Variants in ABCG1 observed in about 807,000 individuals in gnomAD.
ABCG1 encodes the protein ATP binding cassette subfamily G member 1.
Under a neutral mutation model 69.2 loss-of-function variants are expected in ABCG1, and 29 were observed. The observed-to-expected ratio is 0.42, with a 90% confidence interval of 0.31 to 0.57. The LOEUF (loss-of-function observed/expected upper bound fraction) is 0.57, where lower values mean the gene tolerates loss of function less well. Among genes scored for constraint, ABCG1 ranks in the 20% least tolerant of loss-of-function variants. ABCG1 has a pLI of 0.15. For missense variants in ABCG1, 718 were observed against 898.1 expected (o/e 0.80, Z 2.56); for synonymous variants, 370 against 374.8 (o/e 0.99, Z 0.15).
At chr21:42,284,976 G>T (rs1340120364) in intron 7 of ABCG1, among the ~76,000 whole-genome samples, 1 of 152,138 alleles carries the variant, frequency 6.6e-6, no homozygotes, top group South Asian at 2.1e-4. Flanking sequence ...GCGTTTAAGT[G>T]CCAGGTTTTG....
At position 42,273,359 on chromosome 21, in the gene ABCG1, G is replaced by C; in HGVS notation, c.461G>C (p.Cys154Ser). Residue 154 changes from cysteine to serine, a missense_variant, in exon 4 of 15, where the codon TGC (cysteine) becomes TCC (serine). Transcript: ENST00000398449. The surrounding 1 kb of genome is among the most constrained non-coding windows in gnomAD (Gnocchi z 5.3). ...AACGGCCTGCCCCGGGACCTGCGCT[G>C]CTTCCGGAAGGTGTCCTGCTACATC... ...LINGLPRDLR[C>S]FRKVSCYIMQ... The C allele has an allele frequency of 6.2e-7, 1 of 1,613,904 alleles. No individual in the cohort carries two copies. Among genetic ancestry groups the C allele is most frequent in the Middle Eastern group, 1.7e-4 (1 of 6,060 alleles).
chr21:42,238,421 A>G (rs912525987), intron 2 of ABCG1, among the ~76,000 whole-genome samples: 3 of 151,964 alleles, frequency 2.0e-5, no homozygotes, highest in African/African-American at 7.3e-5. Context: ...CTTTTCTGAG[A>G]CTTCTGGTTT....
At chr21:42,222,616 A>T (rs949354823) in intron 1 of ABCG1, among the ~76,000 whole-genome samples, 5 of 152,200 alleles carry the variant, frequency 3.3e-5, no homozygotes, top group African/African-American at 7.2e-5. Flanking sequence ...TAAGCAATTC[A>T]GACCATGTCT....
intron 1 of ABCG1, chr21:42,220,119 C>A: frequency 7.2e-7 from 1 of 1,384,432 alleles, no homozygotes; most frequent in South Asian, 1.3e-5. Context: ...AACAACAAAC[C>A]AATCATCAGG....
intron 5 of ABCG1, among the ~76,000 whole-genome samples, chr21:42,277,330 A>G (rs1302538564): frequency 1.3e-5 from 2 of 152,240 alleles, no homozygotes; most frequent in African/African-American, 4.8e-5. Context: ...ATGGTTAGTC[A>G]TTCGTTTAAA....
chr21:42,271,561 G>A (rs1257993977), intron 3 of ABCG1, among the ~76,000 whole-genome samples: 1 of 152,216 alleles, frequency 6.6e-6, no homozygotes, highest in East Asian at 1.9e-4. Context: ...AGAACTGTTT[G>A]GCTGGGGCTT....
At chr21:42,282,219 G>T in intron 5 of ABCG1, 55 bp from the exon 6 acceptor site, 1 of 1,587,030 alleles carries the variant, frequency 6.3e-7, no homozygotes, top group Non-Finnish European at 8.6e-7. Context: ...TGGGCCATGG[G>T]AGGTGGTGAG....
intron 2 of ABCG1, among the ~76,000 whole-genome samples, chr21:42,234,832 T>G (rs967160638): frequency 6.6e-6 from 1 of 150,434 alleles, no homozygotes; most frequent in African/African-American, 2.4e-5. Context: ...GCGGGGCGGG[T>G]GCGCGCTGCC....
intron 1 of ABCG1, among the ~76,000 whole-genome samples, chr21:42,200,316 A>T (rs546190895): frequency 3.3e-5 from 5 of 152,166 alleles, no homozygotes; most frequent in African/African-American, 9.6e-5. Flanking sequence ...GGGTTTCTAG[A>T]TCCCTCCAGA....
intron 2 of ABCG1, among the ~76,000 whole-genome samples, chr21:42,249,575 C>T (rs908583357): frequency 5.3e-5 from 8 of 152,194 alleles, no homozygotes; most frequent in East Asian, 3.9e-4. Context: ...TTAATGTATG[C>T]GAAAGCTTAG....
rs191334948 is a variant in ABCG1 at position 42,267,977 on chromosome 21, C to A, written c.287-3093C>A. On this transcript the variant is annotated intron_variant, in intron 2 of 14. Coordinates refer to ENST00000398449, the MANE Select transcript of ABCG1 (RefSeq NM_016818.3). ...GTTCTGGTCTGGCTGTTCTAGTCTG[C>A]GGCTCTGGTCTGGCCTGGGTTGTGT... Among the ~76,000 whole-genome samples, 7 of 151,986 alleles carry A rather than the reference C, an allele frequency of 4.6e-5. No individual in the cohort carries two copies. In the East Asian group the frequency reaches 7.8e-4, roughly 17 times the overall value.
intron 2 of ABCG1, among the ~76,000 whole-genome samples, chr21:42,228,172 C>A (rs1381012252): frequency 6.6e-6 from 1 of 152,122 alleles, no homozygotes; most frequent in Non-Finnish European, 1.5e-5. Flanking sequence ...GGAGCGCAGC[C>A]CGGGCGGGGT....
In ABCG1 at chr21:42,287,834, T is replaced by C. The variant is rs1327785062; in HGVS notation, c.974-55T>C. ...TTGAATAACGACTTTCGCATTTGGG[T>C]GGTTGGGGTGTCCTTCCTGGAGCCC... is the stretch of plus-strand genomic sequence containing the variant. On this transcript the variant is annotated intron_variant, in intron 8 of 14. Coordinates refer to ENST00000398449, the MANE Select transcript of ABCG1 (RefSeq NM_016818.3). This position sits in a 1 kb window ranked among gnomAD's most constrained non-coding sequence, Gnocchi z 6.2. The C allele has an allele frequency of 1.3e-5, 19 of 1,492,924 alleles. No homozygotes were observed. In the Admixed American group the frequency reaches 3.9e-4, roughly 31 times the overall value. 92.5% of individuals were successfully genotyped at this position (1,492,924 alleles called of 1,614,324 possible). A position where few individuals can be genotyped will look rare whatever the true frequency, so the allele number is the denominator to read the frequency against.
rs1314739969 is a variant in ABCG1, at chr21:42,219,893, G to A, written c.42+589G>A. On this transcript the variant is annotated intron_variant, in intron 1 of 14. Coordinates refer to ENST00000398449, the MANE Select transcript of ABCG1 (RefSeq NM_016818.3). This position sits in a 1 kb window ranked among gnomAD's most constrained non-coding sequence, Gnocchi z 5.3. ...GGAGGCGGCGGCGAAGGCCCGGGGA[G>A]ACCCGCGAGGGGCAAGCCCGGATTC... The A allele has an allele frequency of 6.5e-7, 1 of 1,546,102 alleles. No homozygotes were observed. The highest frequency in any genetic ancestry group is 8.7e-7 in the Non-Finnish European group (1 of 1,145,824).
chr21:42,294,860 G>T, intron 14 of ABCG1, 200 bp downstream of exon 14: 1 of 569,138 alleles, frequency 1.8e-6, no homozygotes, highest in Non-Finnish European at 3.2e-6. Context: ...TAAACAAGGA[G>T]GCCACACAAA....
At chr21:42,234,196 G>T (rs1446880817) in intron 2 of ABCG1, among the ~76,000 whole-genome samples, 2 of 152,144 alleles carry the variant, frequency 1.3e-5, no homozygotes, top group Non-Finnish European at 2.9e-5. Flanking sequence ...ACGAGGGCCT[G>T]CCCAGGACCG....
intron 2 of ABCG1, among the ~76,000 whole-genome samples, chr21:42,203,396 A>G (rs1003568282): frequency 6.6e-6 from 1 of 152,066 alleles, no homozygotes; most frequent in Admixed American, 6.6e-5. Context: ...ATTTCCTCCT[A>G]ATATTTTTTC....
intron 1 of ABCG1, among the ~76,000 whole-genome samples, chr21:42,220,939 G>A (rs1231541033): frequency 2.0e-5 from 3 of 152,062 alleles, no homozygotes; most frequent in African/African-American, 7.3e-5. Flanking sequence ...TTCCTATAAT[G>A]GACATGTGGA....
Position 42,282,357 on chromosome 21 carries a change from C to A in ABCG1, c.672C>A (p.Arg224=). ...GCCTGTCAGGTGGTCAGCGCAAGCG[C>A]CTGGCCATCGCGCTGGAGCTGGTGA... The part of the protein sequence containing the change: ...TGSLSGGQRK[R]LAIALELVNN... The change falls in exon 6 of 15, where the codon CGC becomes CGA. Residue 224 remains arginine (R), a synonymous_variant. Transcript: ENST00000398449. The A allele has an allele frequency of 1.9e-6, 3 of 1,613,888 alleles. No individual in the cohort carries two copies. The highest frequency in any genetic ancestry group is 1.7e-6 in the Non-Finnish European group (2 of 1,179,994).
Sources: allele counts gnomAD v4.1 joint callset (sites outside exome capture counted in the v4.1 genomes callset), GRCh38; gene constraint gnomAD v4.1.1; non-coding constraint Gnocchi (gnomAD v3.1); transcripts MANE v1.5; gene names NCBI Gene and HGNC (gene_info 2026-07-23, HGNC 2026-07-21).